The following GFRA1 variants were observed in gnomAD, a reference collection of about 807,000 sequenced individuals.
The protein encoded by GFRA1 is GDNF family receptor alpha 1, also known as GDNF family receptor alpha-1.
GFRA1 carries 16 observed loss-of-function variants against 51.6 expected under a neutral mutation model. That is an observed-to-expected ratio of 0.31 (90% CI 0.21 to 0.47). The LOEUF is 0.47. Among genes scored for constraint, GFRA1 ranks in the 20% least tolerant of loss-of-function variants. The pLI, the probability that GFRA1 is intolerant of heterozygous loss-of-function variation, is 1.00. For synonymous variants in GFRA1, 270 were observed against 241.3 expected (o/e 1.12, Z -1.10); for missense variants, 530 against 594.3 (o/e 0.89, Z 1.13).
intron 5 of GFRA1, among the ~76,000 whole-genome samples, chr10:116,176,503 A>G (rs555353945): frequency 5.9e-5 from 9 of 151,714 alleles, no homozygotes; most frequent in African/African-American, 2.2e-4. Context: ...CCACCACTCT[A>G]TCTCTTGCCA....
intron 4 of GFRA1, among the ~76,000 whole-genome samples, chr10:116,261,657 T>C (rs569317633): frequency 1.3e-5 from 2 of 152,268 alleles, no homozygotes; most frequent in East Asian, 3.9e-4. Context: ...GTTATGAACA[T>C]GAAAGACATA....
At chr10:116,064,894 T>TG (rs1232525364) in intron 10 of GFRA1, among the ~76,000 whole-genome samples, 1 of 152,128 alleles carries the variant, frequency 6.6e-6, no homozygotes, top group Non-Finnish European at 1.5e-5. Context: ...CTGACAGCGT[T>TG]GGAGACAGGC....
At chr10:116,254,649 G>C (rs1271825081) in intron 4 of GFRA1, among the ~76,000 whole-genome samples, 1 of 152,200 alleles carries the variant, frequency 6.6e-6, no homozygotes. Flanking sequence ...CCTCAGGGCT[G>C]GGACTTAAGT....
rs199772216 is a variant in GFRA1, at chr10:116,269,510, G to A, written c.411C>T (p.Phe137=). The A allele has an allele frequency of 6.3e-6, 10 of 1,581,632 alleles. No homozygotes were observed. In the Admixed American group the frequency reaches 1.3e-4, roughly 21 times the overall value. ...AAGTATAAATCTGCTTACCTGATAT[G>A]AATGGGACCACCCGGAATATATCTG... ...RLSDIFRVVP[F]ISDVFQQVEH... The change falls in exon 4 of 11, where the codon TTC becomes TTT. Residue 137 remains phenylalanine, a synonymous_variant. Transcript: ENST00000355422.
intron 4 of GFRA1, among the ~76,000 whole-genome samples, chr10:116,229,120 A>G (rs530170670): frequency 1.4e-4 from 21 of 152,122 alleles, no homozygotes; most frequent in Admixed American, 3.3e-4. Flanking sequence ...AGTGAGACCC[A>G]TGTTGGACCT....
chr10:116,061,185 G>C lies in GFRA1; in HGVS notation c.*3213C>G, dbSNP rs1438213176. ...GGCAGCTCTGGGGGAGCCCTGTCCG[G>C]TGTTTGAGGAACTCGAAGACACAAC... On this transcript the variant is annotated 3_prime_UTR_variant, in exon 11 of 11. Transcript: ENST00000355422. 6.6e-6 allele frequency: 1 copy of C among 150,876 alleles called. No homozygotes were observed. The highest frequency in any genetic ancestry group is 1.5e-5 in the Non-Finnish European group (1 of 67,944). The allele number at this position is 150,876 out of a possible 1,614,324, so 9.3% of individuals were successfully genotyped here. A position where few individuals can be genotyped will look rare whatever the true frequency, so the allele number is the denominator to read the frequency against.
intron 6 of GFRA1, among the ~76,000 whole-genome samples, chr10:116,107,218 C>T (rs2694795): frequency 0.15 from 22,300 of 152,116 alleles, 1,838 homozygotes; most frequent in East Asian, 0.22. Flanking sequence ...GGCACCTTAG[C>T]ACCTGTTGAC....
chr10:116,176,036 G>C (rs1332700399), intron 5 of GFRA1, among the ~76,000 whole-genome samples: 1 of 152,252 alleles, frequency 6.6e-6, no homozygotes, highest in South Asian at 2.1e-4. Flanking sequence ...TGCAGCAAAT[G>C]CAGTATTATT....
At chr10:116,144,623 C>G (rs995718742) in intron 5 of GFRA1, among the ~76,000 whole-genome samples, 6 of 151,698 alleles carry the variant, frequency 4.0e-5, no homozygotes, top group African/African-American at 1.2e-4. Flanking sequence ...TAAAAACAGC[C>G]CTGTGACAAC....
intron 5 of GFRA1, among the ~76,000 whole-genome samples, chr10:116,158,941 C>A (rs2134168793): frequency 6.6e-6 from 1 of 152,314 alleles, no homozygotes; most frequent in East Asian, 1.9e-4. Context: ...ACAGACTGGA[C>A]CCCTGGTTCT....
At chr10:116,107,373 G>A (rs891525338) in intron 6 of GFRA1, among the ~76,000 whole-genome samples, 7 of 152,122 alleles carry the variant, frequency 4.6e-5, no homozygotes, top group African/African-American at 1.4e-4. Flanking sequence ...AATTCCCTTA[G>A]AATTCATCAA....
At chr10:116,114,896 C>T (rs1260123534) in intron 6 of GFRA1, among the ~76,000 whole-genome samples, 2 of 152,164 alleles carry the variant, frequency 1.3e-5, no homozygotes, top group East Asian at 3.9e-4. Flanking sequence ...CTCACTGCAT[C>T]CCTGTGAAGA....
intron 5 of GFRA1, among the ~76,000 whole-genome samples, chr10:116,141,897 G>A (rs957937902): frequency 6.6e-6 from 1 of 151,784 alleles, no homozygotes; most frequent in African/African-American, 2.4e-5. Flanking sequence ...TTTTTTTTAA[G>A]CTCTAAGAAC....
intron 5 of GFRA1, among the ~76,000 whole-genome samples, chr10:116,148,774 A>AC (rs1488955200): frequency 2.0e-5 from 3 of 152,224 alleles, no homozygotes; most frequent in African/African-American, 7.2e-5. Context: ...ATCATTAAAT[A>AC]CAAGAAGAAG....
At chr10:116,254,333 AAAG>A (rs1332546018) in intron 4 of GFRA1, among the ~76,000 whole-genome samples, 2,675 of 145,088 alleles carry the variant, frequency 0.018, 29 homozygotes, top group African/African-American at 0.038. Flanking sequence ...AAAAAAAAAA[AAAG>A]AAAGAAAGAA....
chr10:116,260,020 A>G (rs1969182343), intron 4 of GFRA1, among the ~76,000 whole-genome samples: 1 of 152,124 alleles, frequency 6.6e-6, no homozygotes, highest in Admixed American at 6.5e-5. Context: ...CTTTAAAGAG[A>G]CTGAGGATTC....
At chr10:116,243,948 T>C (rs2134648856) in intron 4 of GFRA1, among the ~76,000 whole-genome samples, 1 of 152,224 alleles carries the variant, frequency 6.6e-6, no homozygotes, top group Admixed American at 6.5e-5. Flanking sequence ...AAGATATTCC[T>C]CCATGGAGTG....
intron 10 of GFRA1, among the ~76,000 whole-genome samples, chr10:116,064,867 C>G (rs573320757): frequency 6.6e-6 from 1 of 152,150 alleles, no homozygotes; most frequent in Non-Finnish European, 1.5e-5. Context: ...CTCCAGGGTT[C>G]CACGTTGCAC....
intron 9 of GFRA1, among the ~76,000 whole-genome samples, chr10:116,068,796 G>A (rs1366935577): frequency 6.6e-6 from 1 of 152,164 alleles, no homozygotes; most frequent in Non-Finnish European, 1.5e-5. Flanking sequence ...AGTCAGGTAT[G>A]ATAAATGCAA....
Sources: gnomAD v4.1 joint callset for allele counts (sites outside exome capture counted in the v4.1 genomes callset) on GRCh38, gnomAD v4.1.1 for gene constraint, MANE v1.5 for transcripts, NCBI Gene and HGNC (gene_info 2026-07-23, HGNC 2026-07-21) for gene names.